CNTN4: variants seen among roughly 807,000 people sequenced by gnomAD.
The protein encoded by CNTN4 is contactin-4.
In CNTN4, 77 loss-of-function variants were observed where a neutral mutation model predicts 122.5. The ratio of observed to expected loss-of-function variants is 0.63; its 90% CI spans 0.52 to 0.76. The LOEUF is 0.76. Among genes scored for constraint, CNTN4 ranks in the 30% least tolerant of loss-of-function variants. CNTN4 has a pLI of 0.00. For missense variants in CNTN4, 1,256 were observed against 1,259.1 expected (o/e 1.00, Z 0.04); for synonymous variants, 512 against 447.0 (o/e 1.15, Z -1.83).
chr3:2,492,059 T>C (rs1333517132), intron 3 of CNTN4, among the ~76,000 whole-genome samples: 8 of 152,156 alleles, frequency 5.3e-5, no homozygotes, highest in Non-Finnish European at 1.2e-4. Flanking sequence ...TTAAAAAAAA[T>C]CTATGCACCT....
intron 6 of CNTN4, among the ~76,000 whole-genome samples, chr3:2,760,706 C>T (rs771975141): frequency 4.6e-5 from 7 of 152,194 alleles, no homozygotes; most frequent in African/African-American, 9.6e-5. Flanking sequence ...GCAAGCAAAA[C>T]ATACTGCCTT....
chr3:2,501,535 C>A (rs2149003629), intron 3 of CNTN4, among the ~76,000 whole-genome samples: 1 of 152,288 alleles, frequency 6.6e-6, no homozygotes, highest in Non-Finnish European at 1.5e-5. Context: ...CTAGAGGCCA[C>A]CTGCATTCCA....
At chr3:2,775,279 C>T (rs993215833) in intron 6 of CNTN4, among the ~76,000 whole-genome samples, 3 of 152,082 alleles carry the variant, frequency 2.0e-5, no homozygotes, top group African/African-American at 7.2e-5. Flanking sequence ...GTTTTCAAGC[C>T]TCATCTCTTC....
chr3:2,417,355 A>C (rs2047454533), intron 3 of CNTN4, among the ~76,000 whole-genome samples: 1 of 152,184 alleles, frequency 6.6e-6, no homozygotes, highest in Non-Finnish European at 1.5e-5. Flanking sequence ...AGGAACATTG[A>C]TTACCTATTT....
intron 6 of CNTN4, among the ~76,000 whole-genome samples, chr3:2,798,647 C>T (rs553188843): frequency 6.6e-6 from 1 of 152,150 alleles, no homozygotes; most frequent in South Asian, 2.1e-4. Context: ...GTAGCTAGGA[C>T]CATAGGCACG....
intron 14 of CNTN4, among the ~76,000 whole-genome samples, chr3:2,995,776 C>T (rs964833543): frequency 3.3e-5 from 5 of 152,062 alleles, no homozygotes; most frequent in Non-Finnish European, 7.4e-5. Flanking sequence ...AAATGGTACT[C>T]ACACACTCTC....
At position 2,756,092 on chromosome 3, in the gene CNTN4, T is replaced by C. The variant is rs144808149; in HGVS notation, c.358+10395T>C. Among the ~76,000 whole-genome samples, 543 of 152,352 alleles carry C rather than the reference T, an allele frequency of 3.6e-3. 3 individuals carry two copies. Among genetic ancestry groups the C allele is most frequent in the African/African-American group, 0.013 (522 of 41,582 alleles). On this transcript the variant is annotated intron_variant, in intron 6 of 24. Coordinates refer to ENST00000418658, the MANE Select transcript of CNTN4 (RefSeq NM_175607.3). ...TTGCTCTAATTATATCAATATCCTT[T>C]TCTTCAAGAATTTTCATTTGAGAGG...
At position 2,772,135 on chromosome 3, in the gene CNTN4, C is replaced by T. The variant is rs138316380; in HGVS notation, c.358+26438C>T. 7.2e-3 allele frequency among the ~76,000 whole-genome samples: 1,100 copies of T among 152,070 alleles called. 22 individuals carry two copies. Among genetic ancestry groups the T allele is most frequent in the African/African-American group, 0.025 (1,021 of 41,470 alleles). On this transcript the variant is annotated intron_variant, in intron 6 of 24. Transcript: ENST00000418658. ...CTTTAGCTAATCTTTTGGTGGCTGA[C>T]GATCTCAAAGGGTTTTAAGCCAGCA... is the stretch of plus-strand genomic sequence containing the variant.
intron 6 of CNTN4, among the ~76,000 whole-genome samples, chr3:2,770,441 C>G (rs1219628558): frequency 6.6e-6 from 1 of 152,212 alleles, no homozygotes; most frequent in Non-Finnish European, 1.5e-5. Context: ...GGGGGAGGGC[C>G]AAGGGCCCTC....
intron 2 of CNTN4, among the ~76,000 whole-genome samples, chr3:2,162,868 G>T (rs1042410580): frequency 1.4e-4 from 21 of 152,084 alleles, no homozygotes; most frequent in African/African-American, 4.8e-4. Flanking sequence ...AGGCAGAGGC[G>T]GGTGGGTGGC....
chr3:2,388,594 C>T lies in CNTN4; in HGVS notation c.-89+49361C>T, dbSNP rs142358790. Among the ~76,000 whole-genome samples the T allele has an allele frequency of 9.8e-3, 1,493 of 152,326 alleles. 80 individuals are homozygous for T. In the East Asian group the frequency reaches 0.14, roughly 14 times the overall value. On this transcript the variant is annotated intron_variant, in intron 3 of 24. Coordinates refer to ENST00000418658, the MANE Select transcript of CNTN4 (RefSeq NM_175607.3). ...GCACAGAGGCTTACGCCTGTAATCA[C>T]AGCAATTTGGGAGGCCGAGGCAGGC...
intron 4 of CNTN4, among the ~76,000 whole-genome samples, chr3:2,656,552 G>A (rs2083599181): frequency 6.6e-6 from 1 of 152,232 alleles, no homozygotes; most frequent in African/African-American, 2.4e-5. Context: ...CTCTAGTACA[G>A]TCCCTGGAGC....
intron 3 of CNTN4, among the ~76,000 whole-genome samples, chr3:2,405,249 C>G (rs1396670145): frequency 6.6e-6 from 1 of 152,046 alleles, no homozygotes; most frequent in Non-Finnish European, 1.5e-5. Context: ...TATTTCCAAG[C>G]TTTGTTTGGT....
chr3:2,237,237 G>T (rs915000065), intron 2 of CNTN4, among the ~76,000 whole-genome samples: 1 of 152,118 alleles, frequency 6.6e-6, no homozygotes, highest in Non-Finnish European at 1.5e-5. Context: ...GAAGTAAAAT[G>T]GTCTTGACTT....
At chr3:2,538,299 C>T (rs1446978090) in intron 3 of CNTN4, among the ~76,000 whole-genome samples, 4 of 152,074 alleles carry the variant, frequency 2.6e-5, no homozygotes, top group African/African-American at 9.7e-5. Flanking sequence ...AACTTTGACA[C>T]AATACATTTC....
At chr3:2,328,635 T>A (rs1056838199) in intron 2 of CNTN4, among the ~76,000 whole-genome samples, 1 of 151,688 alleles carries the variant, frequency 6.6e-6, no homozygotes, top group African/African-American at 2.4e-5. Flanking sequence ...CATCTGCGGA[T>A]TCAACCAACT....
chr3:2,975,242 T>G (rs6800216), intron 13 of CNTN4, among the ~76,000 whole-genome samples: 1,851 of 152,294 alleles, frequency 0.012, 44 homozygotes, highest in African/African-American at 0.041. Context: ...AATGGTAAAT[T>G]TAAAGAAAAT....
chr3:2,599,113 A>C (rs933704908), intron 4 of CNTN4, among the ~76,000 whole-genome samples: 5 of 152,144 alleles, frequency 3.3e-5, no homozygotes, highest in Non-Finnish European at 5.9e-5. Flanking sequence ...AGACTGGGAA[A>C]ATGTATGTTG....
At position 2,819,328 on chromosome 3, in the gene CNTN4, A is replaced by G. The variant is rs145302035; in HGVS notation, c.359-158A>G. On this transcript the variant is annotated intron_variant, in intron 6 of 24. Coordinates refer to ENST00000418658, the MANE Select transcript of CNTN4 (RefSeq NM_175607.3). ...TAACCATAAAATCAAGGAGGATGGG[A>G]CAATGTCATATGAAAAGAAGCTCTC... 9.8e-3 allele frequency among the ~76,000 whole-genome samples: 1,494 copies of G among 152,328 alleles called. 35 individuals carry two copies. Among genetic ancestry groups the G allele is most frequent in the African/African-American group, 0.034 (1,430 of 41,576 alleles).
Sources: gnomAD v4.1 joint callset for allele counts (sites outside exome capture counted in the v4.1 genomes callset) on GRCh38, gnomAD v4.1.1 for gene constraint, MANE v1.5 for transcripts, NCBI Gene and HGNC (gene_info 2026-07-23, HGNC 2026-07-21) for gene names.